RTTN: variants seen among roughly 807,000 people sequenced by gnomAD.
The protein encoded by RTTN is rotatin.
Under a neutral mutation model 269.2 loss-of-function variants are expected in RTTN, and 182 were observed. The observed-to-expected ratio is 0.68, with a 90% CI of 0.60 to 0.76. The LOEUF (loss-of-function observed/expected upper bound fraction) is 0.76, where lower values mean the gene tolerates loss of function less well. Ranked by LOEUF, RTTN falls within the 30% of genes least tolerant of loss-of-function variation. The probability of loss-of-function intolerance (pLI) is 0.00; values close to 1 mark genes in which losing one functional copy is unlikely to be tolerated. For missense variants in RTTN, 2,545 were observed against 2,608.6 expected (o/e 0.98, Z 0.53); for synonymous variants, 1,006 against 963.5 (o/e 1.04, Z -0.82).
rs1185701884 is a variant in RTTN, at chr18:70,109,697, TA to T, written c.3703del (p.Tyr1235ThrfsTer9). On this transcript the variant is annotated frameshift_variant, in exon 28 of 49. Coordinates refer to ENST00000640769, the MANE Select transcript of RTTN (RefSeq NM_173630.4). LOFTEE classifies it high-confidence loss of function. ...VTDRKCSELL[Y>X]VFQTQLALKL... ...CAGAGCCAGCTGCGTTTGAAAAACGTAAAGAAGTTCCGAGCATTTCCTATGT... is the reference window on the plus strand; with the variant it reads ...CAGAGCCAGCTGCGTTTGAAAAACGTAAGAAGTTCCGAGCATTTCCTATGT... 4 of 1,613,840 alleles carry T rather than the reference TA, an allele frequency of 2.5e-6. No homozygotes were observed. The East Asian group carries it at 8.9e-5, about 36-fold the overall frequency.
intron 14 of RTTN, among the ~76,000 whole-genome samples, chr18:70,155,600 C>A (rs1484594610): frequency 6.6e-6 from 1 of 152,148 alleles, no homozygotes; most frequent in East Asian, 1.9e-4. Context: ...CTGCACAGAC[C>A]TTTGAGTTGC....
chr18:70,127,026 C>T (rs1346167395), intron 25 of RTTN, among the ~76,000 whole-genome samples: 1 of 152,136 alleles, frequency 6.6e-6, no homozygotes, highest in Admixed American at 6.6e-5. Context: ...CAAGCTAGAG[C>T]CTTCTCAATT....
In RTTN at chr18:70,148,935, A is replaced by C. The variant is rs1391313201; in HGVS notation, c.2275T>G (p.Ser759Ala). 1.9e-6 allele frequency: 3 copies of C among 1,613,608 alleles called. No individual in the cohort carries two copies. The stretch of plus-strand genomic sequence containing the variant: ...TTCACTAGCAAAAGTCGCAGCATGG[A>C]CTTTAATCGGGTAGTACACGGAAGC... The part of the protein sequence containing the change: ...EMLPCTTRLK[S>A]MLRLLLVKKP... The change falls in exon 17 of 49, where the codon TCC becomes GCC. Residue 759 changes from serine to alanine, a missense_variant. Transcript: ENST00000640769.
intron 21 of RTTN, 24 bp from the exon 22 acceptor site, chr18:70,135,304 T>C: frequency 7.7e-7 from 1 of 1,306,770 alleles, no homozygotes; most frequent in South Asian, 1.3e-5. Context: ...AGCACAACTT[T>C]ATGAAATATT....
At chr18:70,102,400 CT>C (rs559554613) in intron 28 of RTTN, among the ~76,000 whole-genome samples, 11 of 151,510 alleles carry the variant, frequency 7.3e-5, no homozygotes, top group Non-Finnish European at 1.6e-4. Context: ...CAACCCCTGC[CT>C]TTTTTTGTTT....
chr18:70,030,174 T>C (rs533538911), intron 41 of RTTN, 65 bp from the exon 42 acceptor site: 8 of 1,015,356 alleles, frequency 7.9e-6, no homozygotes, highest in Middle Eastern at 4.8e-4. Flanking sequence ...TAACCACATA[T>C]ACCAATCAGA....
chr18:70,132,201 G>A (rs1487551416), intron 23 of RTTN, among the ~76,000 whole-genome samples: 1 of 152,028 alleles, frequency 6.6e-6, no homozygotes, highest in African/African-American at 2.4e-5. Context: ...TGTCATAGTG[G>A]AGATTTTAAC....
At chr18:70,108,171 G>A (rs187013904) in intron 28 of RTTN, among the ~76,000 whole-genome samples, 2 of 152,226 alleles carry the variant, frequency 1.3e-5, no homozygotes, top group Admixed American at 6.5e-5. Flanking sequence ...CAGCTACTTG[G>A]GAGGCTGAGG....
chr18:70,101,289 C>A (rs2059157806), intron 28 of RTTN, among the ~76,000 whole-genome samples: 2 of 152,160 alleles, frequency 1.3e-5, no homozygotes, highest in South Asian at 4.1e-4. Context: ...TGAACTTCTT[C>A]CTGGTTTAGT....
At chr18:70,069,202 T>C (rs924566269) in intron 34 of RTTN, among the ~76,000 whole-genome samples, 5 of 151,820 alleles carry the variant, frequency 3.3e-5, no homozygotes, top group African/African-American at 1.2e-4. Flanking sequence ...TTAAGTGTTC[T>C]CACCACAAAA....
At chr18:70,170,036 T>C (rs2061096912) in intron 11 of RTTN, among the ~76,000 whole-genome samples, 2 of 152,190 alleles carry the variant, frequency 1.3e-5, no homozygotes, top group African/African-American at 4.8e-5. Context: ...ATCAAAATTT[T>C]AGATTACACA....
At chr18:70,111,833 AATC>A (rs1220522248) in intron 27 of RTTN, among the ~76,000 whole-genome samples, 3 of 152,154 alleles carry the variant, frequency 2.0e-5, no homozygotes, top group African/African-American at 7.2e-5. Context: ...AAGAATGCAT[AATC>A]ATCAAGACAC....
intron 11 of RTTN, among the ~76,000 whole-genome samples, chr18:70,172,569 C>A (rs2061169979): frequency 1.3e-5 from 2 of 152,024 alleles, no homozygotes; most frequent in Admixed American, 6.5e-5. Context: ...ACCTTAATTA[C>A]AATCTCCCAC....
chr18:70,070,220 TAA>T (rs1176764975), intron 34 of RTTN, among the ~76,000 whole-genome samples: 4 of 152,252 alleles, frequency 2.6e-5, no homozygotes, highest in Non-Finnish European at 5.9e-5. Context: ...GTGTGTAATC[TAA>T]GAGCACAAAT....
intron 40 of RTTN, among the ~76,000 whole-genome samples, chr18:70,043,905 G>A (rs1248419906): frequency 1.3e-5 from 2 of 152,220 alleles, no homozygotes; most frequent in African/African-American, 2.4e-5. Context: ...GGAAGTGTGA[G>A]GAGCCTGGAG....
chr18:70,024,075 A>G (rs2056782849), intron 44 of RTTN, among the ~76,000 whole-genome samples: 1 of 152,126 alleles, frequency 6.6e-6, no homozygotes, highest in Non-Finnish European at 1.5e-5. Flanking sequence ...GAGCCACTGC[A>G]CCCAGCCTAA....
At chr18:70,173,491 C>CAAAAAAAAAA (rs397974179) in intron 11 of RTTN, among the ~76,000 whole-genome samples, 4 of 48,468 alleles carry the variant, frequency 8.3e-5, no homozygotes, top group African/African-American at 1.4e-4. Flanking sequence ...GACTCCAACT[C>CAAAAAAAAAA]AAAAAAAAAA....
At position 70,054,256 on chromosome 18, in the gene RTTN, G is replaced by C. The variant is rs34717557; in HGVS notation, c.5060C>G (p.Ser1687Cys). The change falls in exon 38 of 49, where the codon TCT becomes TGT. Residue 1687 changes from serine (S) to cysteine (C), a missense_variant. By Grantham distance (112) the Ser-to-Cys change is moderately radical. Coordinates refer to ENST00000640769, the MANE Select transcript of RTTN (RefSeq NM_173630.4). ...ACATGACTGCAGAAGCCTGGACAAA[G>C]AGGATAGGTATTCCAGGAGAAAGGA... is the stretch of plus-strand genomic sequence containing the variant. ...QVSFLLEYLS[S>C]LSRLLQSCLL... The C allele has an allele frequency of 0.017, 26,738 of 1,613,372 alleles. 325 individuals carry two copies. The highest frequency in any genetic ancestry group is 0.039 in the South Asian group (3,565 of 90,932).
At position 70,048,149 on chromosome 18, in the gene RTTN, G is replaced by A; in HGVS notation, c.5363C>T (p.Pro1788Leu). Residue 1788 changes from proline to leucine, a missense_variant, in exon 40 of 49, where the codon CCT becomes CTT. Coordinates refer to ENST00000640769, the MANE Select transcript of RTTN (RefSeq NM_173630.4). ...CTCAGLSATCPALYTASLQFL... is the reference protein window; with the variant it reads ...CTCAGLSATCLALYTASLQFL... ...TTGCAAGCTGGCAGTATACAGGGCA[G>A]GACACGTGGCAGACAAGCCTGCACA... The A allele has an allele frequency of 6.2e-7, 1 of 1,614,052 alleles. No homozygotes were observed. The highest frequency in any genetic ancestry group is 1.1e-5 in the South Asian group (1 of 91,072).
Sources: allele counts gnomAD v4.1 joint callset (sites outside exome capture counted in the v4.1 genomes callset), GRCh38; gene constraint gnomAD v4.1.1; transcripts MANE v1.5; gene names NCBI Gene and HGNC (gene_info 2026-07-23, HGNC 2026-07-21).